PDZD2: variants seen among roughly 807,000 people sequenced by gnomAD.
The protein encoded by PDZD2 is PDZ domain-containing protein 2.
A neutral mutation model predicts 220.7 loss-of-function variants in PDZD2; 90 were observed. The observed-to-expected ratio is 0.41, with a 90% CI of 0.34 to 0.49. The LOEUF is 0.49. Ranked by LOEUF, PDZD2 falls within the 20% of genes least tolerant of loss-of-function variation. The pLI is 0.28. For synonymous variants in PDZD2, 1,375 were observed against 1,450.5 expected, an observed-to-expected ratio of 0.95 and a Z score of 1.18; for missense variants, 3,174 against 3,608.5, an observed-to-expected ratio of 0.88 and a Z score of 3.08.
At chr5:32,069,055 C>T (rs6875764) in intron 14 of PDZD2, among the ~76,000 whole-genome samples, 25,284 of 151,918 alleles carry the variant, frequency 0.17, 2,233 homozygotes, top group East Asian at 0.23. Flanking sequence ...ACCACAAGGT[C>T]AGGAGTTCAA....
In PDZD2 at chr5:32,073,252, G is replaced by A. The variant is rs192837210; in HGVS notation, c.2726-580G>A. ...TATAGAAACATTTCAAGGTGCAAAC[G>A]TGTAATTTTTCACTGCATTTAACAA... On this transcript the variant is annotated intron_variant, in intron 17 of 24. Transcript: ENST00000438447. Among the ~76,000 whole-genome samples the A allele has an allele frequency of 9.8e-5, 15 of 152,302 alleles. No individual in the cohort carries two copies. The East Asian group carries it at 2.7e-3, about 27-fold the overall frequency.
intron 1 of PDZD2, among the ~76,000 whole-genome samples, chr5:31,745,296 A>G (rs1750529154): frequency 6.6e-6 from 1 of 152,214 alleles, no homozygotes; most frequent in South Asian, 2.1e-4. Flanking sequence ...ATCCAGATAA[A>G]AACACTGGTC....
chr5:31,868,584 G>A (rs961438531), intron 2 of PDZD2, among the ~76,000 whole-genome samples: 4 of 152,140 alleles, frequency 2.6e-5, no homozygotes, highest in African/African-American at 9.7e-5. Flanking sequence ...TGGAGTGGGT[G>A]AGGGACTGCG....
At chr5:31,975,511 A>G (rs1439657907) in intron 2 of PDZD2, among the ~76,000 whole-genome samples, 1 of 152,206 alleles carries the variant, frequency 6.6e-6, no homozygotes, top group African/African-American at 2.4e-5. Context: ...TCCCTGCTCT[A>G]GATTCCAGAT....
rs1373615710 is a variant in PDZD2 at position 31,855,141 on chromosome 5, C to T, written c.476+55417C>T. 6.1e-6 allele frequency: 6 copies of T among 983,550 alleles called. No homozygotes were observed. The African/African-American group carries it at 7.0e-5, about 11-fold the overall frequency. The allele number at this position is 983,550 out of a possible 1,614,324, so 60.9% of individuals were successfully genotyped here. On this transcript the variant is annotated intron_variant, in intron 2 of 24. Coordinates refer to ENST00000438447, the MANE Select transcript of PDZD2 (RefSeq NM_178140.4). ...GACTCCCAGGAGCTCCGGAGAGGAA[C>T]CCTCCGAAGGTGACTTCAGAACTGG...
chr5:31,755,516 C>T (rs774999843), intron 1 of PDZD2, among the ~76,000 whole-genome samples: 2 of 152,108 alleles, frequency 1.3e-5, no homozygotes, highest in African/African-American at 4.8e-5. Context: ...TCTCTCTCCT[C>T]GAATGAGTAC....
Position 31,823,154 on chromosome 5 carries a change from CAAAAAAAAAAAA to C in PDZD2, c.476+23447_476+23458del, listed in dbSNP as rs397997277. 2.5e-3 allele frequency: 260 copies of C among 105,052 alleles called. 1 individual carries two copies. The highest frequency in any genetic ancestry group is 5.4e-3 in the Middle Eastern group (1 of 186). The allele number at this position is 105,052 out of a possible 1,614,324, so 6.5% of individuals were successfully genotyped here. A position where few individuals can be genotyped will look rare whatever the true frequency, so the allele number is the denominator to read the frequency against. On this transcript the variant is annotated intron_variant, in intron 2 of 24. Transcript: ENST00000438447. ...GTCTTCATTCTCGCAGTAGACGTGGCAAAAAAAAAAAAAAAAAAAAAAAAAAAAGCAAGCATC... is the reference window on the plus strand; with the variant it reads ...GTCTTCATTCTCGCAGTAGACGTGGCAAAAAAAAAAAAAAAAGCAAGCATC...
rs1160217474 is a variant in PDZD2 at position 32,098,963 on chromosome 5, A to ACGTGACGGGGCGAGCAGTGTTGAG, written c.8218+352_8218+353insGCGTGACGGGGCGAGCAGTGTTGA. On this transcript the variant is annotated intron_variant, in intron 23 of 24. Coordinates refer to ENST00000438447, the MANE Select transcript of PDZD2 (RefSeq NM_178140.4). The surrounding 1 kb of genome is among the most constrained non-coding windows in gnomAD (Gnocchi z 4.1). The stretch of plus-strand genomic sequence containing the variant: ...GGACTGGTAAGGAAAACAGGAAACT[A>ACGTGACGGGGCGAGCAGTGTTGAG]CGTGACGGGGCGAGCAGTGTTGAAG... Among the ~76,000 whole-genome samples the ACGTGACGGGGCGAGCAGTGTTGAG allele has an allele frequency of 6.6e-6, 1 of 152,240 alleles. No homozygotes were observed. The highest frequency in any genetic ancestry group is 1.5e-5 in the Non-Finnish European group (1 of 68,044).
intron 3 of PDZD2, among the ~76,000 whole-genome samples, chr5:31,989,019 C>T (rs1309510065): frequency 1.3e-5 from 2 of 152,106 alleles, no homozygotes; most frequent in Admixed American, 6.5e-5. Flanking sequence ...CATCGTGTCC[C>T]CAGTAGACTT....
chr5:31,969,533 A>C (rs973496847), intron 2 of PDZD2, among the ~76,000 whole-genome samples: 2 of 140,822 alleles, frequency 1.4e-5, no homozygotes, highest in Non-Finnish European at 3.2e-5. Flanking sequence ...AAAAAAAAAA[A>C]AACAATGGAT....
At chr5:31,973,206 A>G (rs1749460828) in intron 2 of PDZD2, among the ~76,000 whole-genome samples, 1 of 152,214 alleles carries the variant, frequency 6.6e-6, no homozygotes, top group African/African-American at 2.4e-5. Context: ...TAGAAAGGCC[A>G]TACTGTTATT....
rs1160885880 is a variant in PDZD2, at chr5:32,087,006, A to G, written c.3683-125A>G. 1.4e-5 allele frequency: 9 copies of G among 651,240 alleles called. No homozygotes were observed. Among genetic ancestry groups the G allele is most frequent in the African/African-American group, 5.5e-5 (3 of 54,400 alleles). The allele number at this position is 651,240 out of a possible 1,614,324, so 40.3% of individuals were successfully genotyped here. ...GCCCAGCTTTCTGAAAAAGAAAAAA[A>G]TATTTGAGGTTGTTTATAATTTTCT... is the stretch of plus-strand genomic sequence containing the variant. On this transcript the variant is annotated intron_variant, in intron 19 of 24. Transcript: ENST00000438447. The surrounding 1 kb of genome is among the most constrained non-coding windows in gnomAD (Gnocchi z 4.0).
chr5:32,069,599 G>A lies in PDZD2; in HGVS notation c.2482G>A (p.Ala828Thr). Reference sequence around the variant, plus strand: ...CGAGCAGGAAATGGATGAAGTCATAGCACGCAGCACTTATCAGGAGAGCAA... The same window carrying A: ...CGAGCAGGAAATGGATGAAGTCATAACACGCAGCACTTATCAGGAGAGCAA... Reference protein sequence around the residue: ...VSEQEMDEVIARSTYQESKEA... With the variant: ...VSEQEMDEVITRSTYQESKEA... The change falls in exon 15 of 25, where the codon GCA becomes ACA. Residue 828 changes from alanine to threonine, a missense_variant. Ala to Thr is a moderately conservative substitution (Grantham distance 58). This residue lies in a region of PDZD2 where 1,861 missense variants were observed against 2,001.0 expected (regional missense o/e 0.93). Transcript: ENST00000438447. 1 of 1,600,274 alleles carries A rather than the reference G, an allele frequency of 6.2e-7. No homozygotes were observed.
intron 2 of PDZD2, chr5:31,923,281 G>T: frequency 1.8e-6 from 1 of 566,718 alleles, no homozygotes; most frequent in East Asian, 3.2e-5. Context: ...AAATAGATAA[G>T]TAAAAATAAA....
chr5:31,869,445 C>T (rs954100001), intron 2 of PDZD2, among the ~76,000 whole-genome samples: 1 of 152,096 alleles, frequency 6.6e-6, no homozygotes, highest in Non-Finnish European at 1.5e-5. Flanking sequence ...CGCCTGTAGT[C>T]CCAGCTACTT....
intron 2 of PDZD2, among the ~76,000 whole-genome samples, chr5:31,823,585 G>A (rs1321737722): frequency 6.6e-6 from 1 of 152,164 alleles, no homozygotes; most frequent in African/African-American, 2.4e-5. Context: ...GTCAACTGCA[G>A]ATGGAGAAGT....
intron 2 of PDZD2, among the ~76,000 whole-genome samples, chr5:31,919,778 T>C (rs1217733129): frequency 1.6e-4 from 23 of 148,034 alleles, no homozygotes; most frequent in Non-Finnish European, 3.1e-4. Context: ...TCGGGGAGAA[T>C]GAGACAGGAA....
chr5:31,957,221 A>G (rs1399952439), intron 2 of PDZD2, among the ~76,000 whole-genome samples: 1 of 152,210 alleles, frequency 6.6e-6, no homozygotes, highest in Non-Finnish European at 1.5e-5. Flanking sequence ...TTTTTAAAAA[A>G]TAATCTCTGC....
At chr5:31,951,607 A>G (rs1454860142) in intron 2 of PDZD2, among the ~76,000 whole-genome samples, 1 of 152,228 alleles carries the variant, frequency 6.6e-6, no homozygotes, top group African/African-American at 2.4e-5. Flanking sequence ...ATGTTTCAGT[A>G]ATCCATTCCT....
Sources: allele counts gnomAD v4.1 joint callset (sites outside exome capture counted in the v4.1 genomes callset), GRCh38; gene constraint gnomAD v4.1.1; regional missense constraint gnomAD v4.1.1; non-coding constraint Gnocchi (gnomAD v3.1); transcripts MANE v1.5; gene names NCBI Gene and HGNC (gene_info 2026-07-23, HGNC 2026-07-21).